MOV10: variants seen among roughly 807,000 people sequenced by gnomAD.
MOV10 encodes the protein RNA helicase MOV-10.
A neutral mutation model predicts 108.4 loss-of-function variants in MOV10; 39 were observed. That is an observed-to-expected ratio of 0.36 (90% confidence interval 0.28 to 0.47). MOV10 has a LOEUF of 0.47. Ranked by LOEUF, MOV10 falls within the 20% of genes least tolerant of loss-of-function variation. The pLI is 1.00. For missense variants in MOV10, 952 were observed against 1,297.6 expected (o/e 0.73, Z 4.09); for synonymous variants, 490 against 523.1 (o/e 0.94, Z 0.86).
chr1:112,696,611 C>T lies in MOV10; in HGVS notation c.1982-19C>T, dbSNP rs377070970. ...GTTGCACCACTTACCTTTCTTCCCACACCTCTTCTGCTTCCCAGGGCTGAT... is the reference window on the plus strand; with the variant it reads ...GTTGCACCACTTACCTTTCTTCCCATACCTCTTCTGCTTCCCAGGGCTGAT... On this transcript the variant is annotated intron_variant, in intron 13 of 20. Coordinates refer to ENST00000369645, the MANE Select transcript of MOV10 (RefSeq NM_001321324.2). The T allele has an allele frequency of 1.2e-5, 20 of 1,613,454 alleles. No individual in the cohort carries two copies. In the African/African-American group the frequency reaches 1.6e-4, roughly 13 times the overall value.
chr1:112,684,557 C>A (rs372235981), intron 2 of MOV10, among the ~76,000 whole-genome samples: 3 of 152,148 alleles, frequency 2.0e-5, no homozygotes, highest in East Asian at 3.8e-4. Context: ...CGTGAGCCAC[C>A]GTGCCCGGAC....
Position 112,694,368 on chromosome 1 carries a change from A to G in MOV10, c.1296-85A>G. 1 of 1,549,962 alleles carries G rather than the reference A, an allele frequency of 6.5e-7. No individual in the cohort carries two copies. Among genetic ancestry groups the G allele is most frequent in the Middle Eastern group, 2.2e-4 (1 of 4,620 alleles). On this transcript the variant is annotated intron_variant, in intron 8 of 20. Coordinates refer to ENST00000369645, the MANE Select transcript of MOV10 (RefSeq NM_001321324.2). The surrounding 1 kb of genome is among the most constrained non-coding windows in gnomAD (Gnocchi z 4.1). The stretch of plus-strand genomic sequence containing the variant: ...AGAGGTCTTGGAAAGAGGGGTTGGG[A>G]CACTGGTTGGTGGAGAAAGTTCTGG...
intron 11 of MOV10, 136 bp downstream of exon 11, chr1:112,695,710 T>C: frequency 7.7e-6 from 6 of 777,836 alleles, no homozygotes; most frequent in Non-Finnish European, 1.1e-5. Flanking sequence ...GACCCCTCCC[T>C]GGGCCTCAGT....
intron 4 of MOV10, 90 bp from the exon 5 acceptor site, chr1:112,689,745 TCTTGC>T: frequency 6.3e-7 from 1 of 1,581,942 alleles, no homozygotes; most frequent in Non-Finnish European, 8.6e-7. Context: ...TCCATGGGAC[TCTTGC>T]CTTGGGATGG....
At chr1:112,688,143 G>A (rs1673237396) in intron 2 of MOV10, among the ~76,000 whole-genome samples, 1 of 152,100 alleles carries the variant, frequency 6.6e-6, no homozygotes. Context: ...TATATGTTCA[G>A]TCTGTGTGCT....
chr1:112,679,512 T>A (rs2101255863), intron 2 of MOV10, among the ~76,000 whole-genome samples: 1 of 152,214 alleles, frequency 6.6e-6, no homozygotes, highest in East Asian at 1.9e-4. Context: ...AAAGACTTAA[T>A]TTTGTGGACT....
At position 112,700,496 on chromosome 1, in the gene MOV10, A is replaced by G; in HGVS notation, c.3001A>G (p.Asn1001Asp). The G allele has an allele frequency of 6.2e-7, 1 of 1,613,562 alleles. No individual in the cohort carries two copies. Among genetic ancestry groups the G allele is most frequent in the Non-Finnish European group, 8.5e-7 (1 of 1,179,766 alleles). ...LSLQVEPEWR[N>D]EL ...TCTGCAAGTGGAGCCAGAGTGGAGG[A>G]ATGAGCTCTGAAGACACAGCACCCA... is the stretch of plus-strand genomic sequence containing the variant. The change falls in exon 21 of 21, where the codon AAT (asparagine) becomes GAT (aspartate). Residue 1001 changes from asparagine (N) to aspartate (D), a missense_variant. Coordinates refer to ENST00000369645, the MANE Select transcript of MOV10 (RefSeq NM_001321324.2).
intron 2 of MOV10, among the ~76,000 whole-genome samples, chr1:112,682,020 C>T (rs1672696127): frequency 1.3e-5 from 2 of 151,864 alleles, no homozygotes; most frequent in African/African-American, 2.4e-5. Flanking sequence ...CTCAGCCTCC[C>T]AAGTAGCTGG....
intron 7 of MOV10, among the ~76,000 whole-genome samples, chr1:112,693,533 T>G (rs908634116): frequency 6.6e-6 from 1 of 152,072 alleles, no homozygotes; most frequent in African/African-American, 2.4e-5. Flanking sequence ...CTGGCTAATT[T>G]TTGTATTTTT....
rs141451135 is a variant in MOV10, at chr1:112,684,479, G to C, written c.138-4456G>C. Among the ~76,000 whole-genome samples, 106 of 151,764 alleles carry C rather than the reference G, an allele frequency of 7.0e-4. 2 individuals are homozygous for C. In the East Asian group the frequency reaches 0.017, roughly 24 times the overall value. ...AAATGGGTTTCTCCATGCAGGTCAG[G>C]CTGGTCTCAAACTCCCGACCTCAGG... On this transcript the variant is annotated intron_variant, in intron 2 of 20. Transcript: ENST00000369645.
Position 112,675,503 on chromosome 1 carries a change from T to G in MOV10, c.137+454T>G, listed in dbSNP as rs1200916564. On this transcript the variant is annotated intron_variant, in intron 2 of 20. Transcript: ENST00000369645. This position sits in a 1 kb window ranked among gnomAD's most constrained non-coding sequence, Gnocchi z 4.7. Reference sequence around the variant, plus strand: ...CTTTACAGGGACCTCTGCCACCTTGTTGAGGCGCTGCTGCCTCGGGGGTCC... The same window carrying G: ...CTTTACAGGGACCTCTGCCACCTTGGTGAGGCGCTGCTGCCTCGGGGGTCC... Among the ~76,000 whole-genome samples, 1 of 152,202 alleles carries G rather than the reference T, an allele frequency of 6.6e-6. No homozygotes were observed. The highest frequency in any genetic ancestry group is 1.9e-4 in the East Asian group (1 of 5,190).
At chr1:112,687,213 G>T in intron 2 of MOV10, 1 of 331,078 alleles carries the variant, frequency 3.0e-6, no homozygotes, top group South Asian at 2.3e-5. Flanking sequence ...TTTCTATTAT[G>T]CTTTTGAATG....
intron 1 of MOV10, 55 bp from the exon 2 acceptor site, chr1:112,674,793 G>C: frequency 9.9e-7 from 1 of 1,012,468 alleles, no homozygotes; most frequent in African/African-American, 1.7e-5. Context: ...TCAGGGGTCA[G>C]AGTTAGGGGG....
rs765469734 is a variant in MOV10 at position 112,694,410 on chromosome 1, T to G, written c.1296-43T>G. ...AAGTTCTGGCCCTTTATTGCCCACC[T>G]CCCCTGCCCCAACAAACTCTTACCA... On this transcript the variant is annotated intron_variant, in intron 8 of 20. Transcript: ENST00000369645. The surrounding 1 kb of genome is among the most constrained non-coding windows in gnomAD (Gnocchi z 4.1). 1 of 1,611,184 alleles carries G rather than the reference T, an allele frequency of 6.2e-7. No individual in the cohort carries two copies. The highest frequency in any genetic ancestry group is 8.5e-7 in the Non-Finnish European group (1 of 1,178,536).
At position 112,700,575 on chromosome 1, in the gene MOV10, C is replaced by T. The variant is rs761842477; in HGVS notation, c.*68C>T. 6.3e-7 allele frequency: 1 copy of T among 1,589,016 alleles called. No individual in the cohort carries two copies. The highest frequency in any genetic ancestry group is 1.1e-5 in the South Asian group (1 of 88,128). Reference sequence around the variant, plus strand: ...GCCTGCCTGACCCTGAACCAGAACCCAGCTGAACTGCCCCTCCAAGGGACA... The same window carrying T: ...GCCTGCCTGACCCTGAACCAGAACCTAGCTGAACTGCCCCTCCAAGGGACA... On this transcript the variant is annotated 3_prime_UTR_variant, in exon 21 of 21. Transcript: ENST00000369645.
chr1:112,688,020 T>C (rs1182879653), intron 2 of MOV10, among the ~76,000 whole-genome samples: 1 of 152,064 alleles, frequency 6.6e-6, no homozygotes, highest in Non-Finnish European at 1.5e-5. Flanking sequence ...TGCTGCCTCC[T>C]GGGAAGGCCT....
chr1:112,692,140 G>A (rs1334308950), intron 6 of MOV10, among the ~76,000 whole-genome samples: 1 of 152,098 alleles, frequency 6.6e-6, no homozygotes, highest in African/African-American at 2.4e-5. Flanking sequence ...GACCAGCCTG[G>A]GGCAACATAG....
chr1:112,680,765 C>T (rs1369618736), intron 2 of MOV10, among the ~76,000 whole-genome samples: 1 of 141,028 alleles, frequency 7.1e-6, no homozygotes, highest in Non-Finnish European at 1.5e-5. Flanking sequence ...TGCAGTGGCA[C>T]GATCTCAGCA....
At chr1:112,677,471 T>C (rs1220608547) in intron 2 of MOV10, among the ~76,000 whole-genome samples, 3 of 151,764 alleles carry the variant, frequency 2.0e-5, no homozygotes, top group Non-Finnish European at 2.9e-5. Context: ...AATTACTTGC[T>C]TTTTCTCTGG....
Sources: gnomAD v4.1 joint callset for allele counts (sites outside exome capture counted in the v4.1 genomes callset) on GRCh38, gnomAD v4.1.1 for gene constraint, Gnocchi (gnomAD v3.1) non-coding constraint, MANE v1.5 for transcripts, NCBI Gene and HGNC (gene_info 2026-07-23, HGNC 2026-07-21) for gene names.